The following MEP1A variants were observed in gnomAD, a reference collection of about 807,000 sequenced individuals.
MEP1A encodes the protein N-benzoyl-L-tyrosyl-P-amino-benzoic acid hydrolase subunit alpha.
A neutral mutation model predicts 84.5 loss-of-function variants in MEP1A; 68 were observed. The ratio of observed to expected loss-of-function variants is 0.80; its 90% CI spans 0.66 to 0.98. MEP1A has a LOEUF of 0.98. Ranked by LOEUF, MEP1A falls within the 50% of genes least tolerant of loss-of-function variation. The pLI is 0.00. For missense variants in MEP1A, 887 were observed against 919.9 expected (o/e 0.96, Z 0.46); for synonymous variants, 337 against 336.8 (o/e 1.00, Z -0.01).
intron 6 of MEP1A, 50 bp from the exon 7 acceptor site, chr6:46,819,479 G>A: frequency 1.3e-6 from 2 of 1,482,760 alleles, no homozygotes; most frequent in South Asian, 2.6e-5. Context: ...GTGAATGACA[G>A]CCACTTAAAA....
chr6:46,799,486 A>C (rs1170427430), intron 5 of MEP1A, among the ~76,000 whole-genome samples: 2 of 152,220 alleles, frequency 1.3e-5, no homozygotes, highest in African/African-American at 4.8e-5. Context: ...GAACAAGGAA[A>C]AGTTTGCACT....
chr6:46,826,221 T>C, intron 8 of MEP1A, 133 bp from the exon 9 acceptor site: 1 of 750,332 alleles, frequency 1.3e-6, no homozygotes, highest in Non-Finnish European at 2.0e-6. Flanking sequence ...AGATTTGCAT[T>C]TGAGAAAAAG....
intron 8 of MEP1A, 126 bp downstream of exon 8, chr6:46,825,619 C>A: frequency 1.4e-6 from 1 of 701,610 alleles, no homozygotes; most frequent in East Asian, 2.7e-5. Context: ...TAAGAACAAA[C>A]TGCGTAACTT....
rs753082146 is a variant in MEP1A, at chr6:46,839,163, C to T, written c.*27C>T. The T allele has an allele frequency of 6.2e-7, 1 of 1,600,600 alleles. No individual in the cohort carries two copies. ...CTGCCTGCTGGCATTGGCCAGACCA[C>T]AGCAGCACCTCCTCCATGCAGGCCT... On this transcript the variant is annotated 3_prime_UTR_variant, in exon 14 of 14. Transcript: ENST00000230588.
At chr6:46,799,304 A>T in intron 5 of MEP1A, 123 bp downstream of exon 5, 1 of 665,870 alleles carries the variant, frequency 1.5e-6, no homozygotes, top group Non-Finnish European at 2.7e-6. Context: ...GTCCTGATGC[A>T]TCTTTATCTA....
chr6:46,833,113 T>C lies in MEP1A; in HGVS notation c.1184T>C (p.Leu395Pro). The C allele has an allele frequency of 6.5e-7, 1 of 1,539,792 alleles. No homozygotes were observed. The highest frequency in any genetic ancestry group is 8.7e-7 in the Non-Finnish European group (1 of 1,147,886). Residue 395 changes from leucine (L) to proline (P), a missense_variant, in exon 11 of 14, where the codon CTC (leucine) becomes CCC (proline). Transcript: ENST00000230588. ...AATTGGAAAATTGCCCATGTGGTGC[T>C]CAAAGAGGAACAGAAGTTTCGCTAC... is the stretch of plus-strand genomic sequence containing the variant. ...DHNWKIAHVVLKEEQKFRYLF... is the reference protein window; with the variant it reads ...DHNWKIAHVVPKEEQKFRYLF...
At chr6:46,837,721 C>G (rs1321268979) in intron 13 of MEP1A, among the ~76,000 whole-genome samples, 1 of 152,152 alleles carries the variant, frequency 6.6e-6, no homozygotes, top group African/African-American at 2.4e-5. Context: ...ATAAGTTTTT[C>G]TAAGGTAACA....
chr6:46,837,329 C>A (rs1205126803), intron 13 of MEP1A, among the ~76,000 whole-genome samples: 3 of 152,154 alleles, frequency 2.0e-5, no homozygotes, highest in African/African-American at 7.2e-5. Flanking sequence ...TCTATTGTCC[C>A]AGCTTTGGCC....
intron 3 of MEP1A, among the ~76,000 whole-genome samples, chr6:46,797,075 A>G (rs1339543791): frequency 1.3e-5 from 2 of 152,236 alleles, no homozygotes; most frequent in Non-Finnish European, 2.9e-5. Context: ...AGCCCTAGTT[A>G]GTCACTGGCA....
rs762870585 is a variant in MEP1A, at chr6:46,799,162, C to A, written c.243C>A (p.Tyr81Ter). Residue 81 changes from tyrosine (Y) to a stop codon, truncating the protein, a stop_gained, in exon 5 of 14, where the codon TAC becomes TAA. Coordinates refer to ENST00000230588, the MANE Select transcript of MEP1A (RefSeq NM_005588.3). LOFTEE classifies it high-confidence loss of function. Reference protein sequence around the residue: ...PNTRWTFPIPYILADNLGLNA... With the variant: ...PNTRWTFPIP ...CCAGGTGGACGTTCCCCATTCCTTA[C>A]ATCTTGGCTGATAATTTGGGTAATA... The A allele has an allele frequency of 6.2e-6, 10 of 1,610,154 alleles. No homozygotes were observed. The highest frequency in any genetic ancestry group is 8.5e-6 in the Non-Finnish European group (10 of 1,176,374).
At chr6:46,798,077 C>T (rs577476323) in intron 3 of MEP1A, among the ~76,000 whole-genome samples, 3 of 151,862 alleles carry the variant, frequency 2.0e-5, no homozygotes, top group Non-Finnish European at 4.4e-5. Context: ...AAGCAATTCT[C>T]CTGCCTCAGC....
intron 5 of MEP1A, among the ~76,000 whole-genome samples, chr6:46,806,035 A>G (rs1034749786): frequency 2.6e-5 from 4 of 152,002 alleles, no homozygotes; most frequent in Non-Finnish European, 5.9e-5. Context: ...TTGATATAAT[A>G]CTGATAGAAT....
At chr6:46,806,885 G>A (rs893144866) in intron 5 of MEP1A, among the ~76,000 whole-genome samples, 8 of 151,990 alleles carry the variant, frequency 5.3e-5, no homozygotes, top group African/African-American at 1.7e-4. Context: ...GCAAAAAGCT[G>A]TATAAATGTG....
In MEP1A at chr6:46,833,128, A is replaced by T. The variant is rs781231125; in HGVS notation, c.1199A>T (p.Lys400Met). ...IAHVVLKEEQ[K>M]FRYLFQGTKG... ...CATGTGGTGCTCAAAGAGGAACAGA[A>T]GTTTCGCTACCTTTTCCAGGGCACA... The change falls in exon 11 of 14, where the codon AAG (lysine) becomes ATG (methionine). Residue 400 changes from lysine to methionine, a missense_variant. Transcript: ENST00000230588. The T allele has an allele frequency of 6.4e-7, 1 of 1,551,486 alleles. No individual in the cohort carries two copies. The highest frequency in any genetic ancestry group is 1.3e-5 in the South Asian group (1 of 79,280).
chr6:46,801,694 A>G (rs1447624543), intron 5 of MEP1A, among the ~76,000 whole-genome samples: 2 of 152,094 alleles, frequency 1.3e-5, no homozygotes, highest in East Asian at 3.8e-4. Flanking sequence ...TGCTTAAACC[A>G]AGTCACAAAG....
downstream of MEP1A, among the ~76,000 whole-genome samples, chr6:46,844,351 A>G (rs1480216692): frequency 1.3e-5 from 2 of 151,936 alleles, no homozygotes; most frequent in Admixed American, 1.3e-4. Context: ...GTGTGTGTGT[A>G]TGTGTGTAAG....
chr6:46,807,807 GAAAGAAA>G lies in MEP1A; in HGVS notation c.263-1612_263-1606del, dbSNP rs777764577. On this transcript the variant is annotated intron_variant, in intron 5 of 13. Transcript: ENST00000230588. ...AGAAAGAAAGAAAGAAAGAAAGAAA[GAAAGAAA>G]GAAAGAAAGAAAGAAAGAAAGAAAG... 2.6e-3 allele frequency among the ~76,000 whole-genome samples: 386 copies of G among 148,796 alleles called. 5 individuals are homozygous for G. Among genetic ancestry groups the G allele is most frequent in the Middle Eastern group, 0.017 (5 of 294 alleles).
At chr6:46,822,860 T>G (rs1426673536) in intron 7 of MEP1A, among the ~76,000 whole-genome samples, 1 of 152,124 alleles carries the variant, frequency 6.6e-6, no homozygotes, top group African/African-American at 2.4e-5. Context: ...TCAGATGGTT[T>G]TATGGAAAAT....
At chr6:46,823,485 G>C (rs1164247410) in intron 7 of MEP1A, among the ~76,000 whole-genome samples, 2 of 152,180 alleles carry the variant, frequency 1.3e-5, no homozygotes, top group African/African-American at 4.8e-5. Flanking sequence ...GGTGCCACGT[G>C]CCTGTAATCC....
Sources: gnomAD v4.1 joint callset for allele counts (sites outside exome capture counted in the v4.1 genomes callset) on GRCh38, gnomAD v4.1.1 for gene constraint, MANE v1.5 for transcripts, NCBI Gene and HGNC (gene_info 2026-07-23, HGNC 2026-07-21) for gene names.